The following LRRC69 variants were observed in gnomAD, a reference collection of about 807,000 sequenced individuals.
LRRC69 encodes the protein leucine rich repeat containing 69, also known as leucine-rich repeat-containing protein 69.
LRRC69 carries 42 observed loss-of-function variants against 37.8 expected under a neutral mutation model. The observed-to-expected ratio is 1.11, with a 90% CI of 0.87 to 1.44. The LOEUF is 1.44. Among genes scored for constraint, LRRC69 ranks in the 40% most tolerant of loss-of-function variants. The probability of loss-of-function intolerance (pLI) is 0.00; values close to 1 mark genes in which losing one functional copy is unlikely to be tolerated. For synonymous variants in LRRC69, 141 were observed against 143.1 expected (o/e 0.99, Z 0.11); for missense variants, 357 against 401.9 (o/e 0.89, Z 0.96).
At chr8:91,124,470 A>C in intron 1 of LRRC69, 23 bp from the exon 2 acceptor site, 1 of 1,507,338 alleles carries the variant, frequency 6.6e-7, no homozygotes, top group East Asian at 2.5e-5. Flanking sequence ...ATATGAGTCC[A>C]TTAAACCTCT....
intron 3 of LRRC69, 122 bp downstream of exon 3, chr8:91,127,282 A>G (rs1015843631): frequency 8.8e-6 from 6 of 682,058 alleles, no homozygotes; most frequent in Non-Finnish European, 1.4e-5. Flanking sequence ...GCAAAGAGGG[A>G]TCTGAAGGAC....
intron 5 of LRRC69, among the ~76,000 whole-genome samples, chr8:91,148,517 A>G (rs1021155237): frequency 9.9e-5 from 15 of 151,874 alleles, no homozygotes; most frequent in African/African-American, 3.6e-4. Context: ...AGTCTTTGCT[A>G]TCGTGAATAG....
chr8:91,118,367 A>AAAAAAAAAC (rs1813553922), intron 1 of LRRC69: 1 of 37,336 alleles, frequency 2.7e-5, no homozygotes, highest in Non-Finnish European at 5.9e-5. Context: ...AAAAAAAAAA[A>AAAAAAAAAC]AAAAAAAAAA....
chr8:91,208,380 CAGA>C (rs1050808821), intron 7 of LRRC69, among the ~76,000 whole-genome samples: 4 of 151,988 alleles, frequency 2.6e-5, no homozygotes, highest in Non-Finnish European at 4.4e-5. Context: ...GTGAGAAGAC[CAGA>C]AGGACAGAAC....
intron 5 of LRRC69, among the ~76,000 whole-genome samples, chr8:91,137,188 G>C (rs1808437284): frequency 6.6e-6 from 1 of 151,960 alleles, no homozygotes; most frequent in African/African-American, 2.4e-5. Flanking sequence ...TGTTAATATT[G>C]ACCTTGAAAA....
intron 6 of LRRC69, among the ~76,000 whole-genome samples, chr8:91,193,502 T>TTTGTA (rs1235612561): frequency 1.8e-5 from 2 of 108,352 alleles, no homozygotes; most frequent in Non-Finnish European, 3.6e-5. Context: ...CTTCCATTTG[T>TTTGTA]TTGTATCCTC....
At chr8:91,105,553 C>T (rs1241797653) in intron 1 of LRRC69, among the ~76,000 whole-genome samples, 4 of 150,736 alleles carry the variant, frequency 2.7e-5, no homozygotes, top group African/African-American at 4.9e-5. Flanking sequence ...CACAGTGGCA[C>T]GTGCCTCTGG....
exon 8 of LRRC69, chr8:91,218,928 C>A: frequency 2.6e-6 from 4 of 1,550,728 alleles, no homozygotes; most frequent in Non-Finnish European, 3.5e-6. Context: ...TGGTGCCTCT[C>A]CAAGTATTAA....
At chr8:91,214,849 A>G (rs1487336423) in intron 7 of LRRC69, among the ~76,000 whole-genome samples, 1 of 151,410 alleles carries the variant, frequency 6.6e-6, no homozygotes, top group Non-Finnish European at 1.5e-5. Context: ...GAAATTCAAC[A>G]TGGGTCTCAC....
At chr8:91,147,275 T>A (rs1429662519) in intron 5 of LRRC69, among the ~76,000 whole-genome samples, 1 of 145,818 alleles carries the variant, frequency 6.9e-6, no homozygotes, top group South Asian at 2.1e-4. Flanking sequence ...TAAACATATA[T>A]TATATATAAA....
At chr8:91,125,235 T>A (rs1368725691) in intron 2 of LRRC69, among the ~76,000 whole-genome samples, 8 of 151,890 alleles carry the variant, frequency 5.3e-5, no homozygotes, top group Non-Finnish European at 7.4e-5. Context: ...ACTTCACCAC[T>A]TTCTGTGTTG....
chr8:91,198,846 AGTATTTTATTT>A (rs1224254208), intron 6 of LRRC69, among the ~76,000 whole-genome samples: 3 of 152,198 alleles, frequency 2.0e-5, no homozygotes, highest in African/African-American at 7.2e-5. Flanking sequence ...TCATGCCAAT[AGTATTTTATTT>A]TATATATACT....
At chr8:91,169,756 G>A (rs1183532471) in intron 5 of LRRC69, among the ~76,000 whole-genome samples, 1 of 134,026 alleles carries the variant, frequency 7.5e-6, no homozygotes, top group African/African-American at 3.1e-5. Context: ...TCCCACCTAT[G>A]AGTGAGAACA....
At chr8:91,107,296 G>A (rs1259059528) in intron 1 of LRRC69, among the ~76,000 whole-genome samples, 4 of 151,058 alleles carry the variant, frequency 2.6e-5, no homozygotes, top group African/African-American at 4.9e-5. Flanking sequence ...CACCATGCCT[G>A]GCTAATTTTT....
At position 91,157,724 on chromosome 8, in the gene LRRC69, T is replaced by C. The variant is rs1006623962; in HGVS notation, c.651+21985T>C. On this transcript the variant is annotated intron_variant, in intron 5 of 7. Coordinates refer to ENST00000448384, the Ensembl canonical transcript of LRRC69. ...GAAGCAAAAATATACTGTGAACCAA[T>C]GCAGGTGGCAGTCTGAGGATTCCAC... is the stretch of plus-strand genomic sequence containing the variant. The C allele has an allele frequency of 1.2e-5, 19 of 1,604,308 alleles. No homozygotes were observed. In the African/African-American group the frequency reaches 2.1e-4, roughly 18 times the overall value.
At position 91,157,756 on chromosome 8, in the gene LRRC69, C is replaced by T. The variant is rs1256204979; in HGVS notation, c.651+22017C>T. On this transcript the variant is annotated intron_variant, in intron 5 of 7. Coordinates refer to ENST00000448384, the Ensembl canonical transcript of LRRC69. ...GGCAGTCTGAGGATTCCACCTTCTA[C>T]CTGGGAGAGAGGACATACTATATCG... The T allele has an allele frequency of 7.5e-6, 12 of 1,607,282 alleles. No homozygotes were observed. In the East Asian group the frequency reaches 1.3e-4, roughly 18 times the overall value.
At chr8:91,117,258 T>C (rs138462312) in intron 1 of LRRC69, among the ~76,000 whole-genome samples, 11 of 152,186 alleles carry the variant, frequency 7.2e-5, no homozygotes, top group African/African-American at 2.6e-4. Context: ...ACATCCATTC[T>C]TTACATCTTT....
At chr8:91,157,478 A>G (rs1586253797) in intron 5 of LRRC69, 11 of 1,597,948 alleles carry the variant, frequency 6.9e-6, no homozygotes, top group Non-Finnish European at 7.7e-6. Context: ...GGAAGTTTAC[A>G]TGCAAATTGG....
intron 5 of LRRC69, among the ~76,000 whole-genome samples, chr8:91,155,803 G>A (rs565885558): frequency 3.3e-5 from 5 of 149,576 alleles, no homozygotes; most frequent in Non-Finnish European, 6.0e-5. Flanking sequence ...ATATTGCCTC[G>A]AATGACAGGA....
Sources: allele counts gnomAD v4.1 joint callset (sites outside exome capture counted in the v4.1 genomes callset), GRCh38; gene constraint gnomAD v4.1.1; transcripts MANE v1.5; gene names NCBI Gene and HGNC (gene_info 2026-07-23, HGNC 2026-07-21).